AGBL4: variants seen among roughly 807,000 people sequenced by gnomAD.
AGBL4 encodes AGBL carboxypeptidase 4, also known as cytosolic carboxypeptidase 6.
AGBL4 carries 58 observed loss-of-function variants against 66.4 expected under a neutral mutation model. That is an observed-to-expected ratio of 0.87 (90% CI 0.71 to 1.09). The LOEUF is 1.09. Among genes scored for constraint, AGBL4 ranks in the 50% least tolerant of loss-of-function variants. The pLI, the probability that AGBL4 is intolerant of heterozygous loss-of-function variation, is 0.00. For missense variants in AGBL4, 579 were observed against 631.0 expected (o/e 0.92, Z 0.88); for synonymous variants, 234 against 222.9 (o/e 1.05, Z -0.44).
intron 5 of AGBL4, among the ~76,000 whole-genome samples, chr1:49,021,064 G>A (rs988081221): frequency 9.2e-5 from 14 of 152,202 alleles, no homozygotes; most frequent in Admixed American, 8.5e-4. Flanking sequence ...CTCCCTACCA[G>A]TGAATATTTC....
chr1:49,471,509 A>C (rs1210412658), intron 3 of AGBL4, among the ~76,000 whole-genome samples: 1 of 151,884 alleles, frequency 6.6e-6, no homozygotes, highest in African/African-American at 2.4e-5. Context: ...AGACTCCTAA[A>C]GGTGGAGGGA....
rs1423179870 is a variant in AGBL4, at chr1:49,849,392, A to ATTT, written c.157+2001_157+2003dup. ...TTTCTAAGATGTCCTCATTCATCTA[A>ATTT]TTTATTATTATTATTATTATTATTA... On this transcript the variant is annotated intron_variant, in intron 2 of 13. Transcript: ENST00000371839. 7.7e-3 allele frequency among the ~76,000 whole-genome samples: 788 copies of ATTT among 102,308 alleles called. 7 individuals are homozygous for ATTT. Among genetic ancestry groups the ATTT allele is most frequent in the African/African-American group, 0.023 (606 of 26,628 alleles). 67.1% of individuals were successfully genotyped at this position (102,308 alleles called of 152,430 possible).
intron 9 of AGBL4, among the ~76,000 whole-genome samples, chr1:48,594,297 C>T (rs1644963268): frequency 6.6e-6 from 1 of 152,068 alleles, no homozygotes; most frequent in African/African-American, 2.4e-5. Context: ...GCACTCTGGC[C>T]TGGGCAACAA....
intron 4 of AGBL4, among the ~76,000 whole-genome samples, chr1:49,102,511 T>C (rs998549607): frequency 3.3e-5 from 5 of 152,180 alleles, no homozygotes; most frequent in Non-Finnish European, 5.9e-5. Context: ...CTGTGTCCTA[T>C]GAGTAAAATT....
chr1:49,375,380 G>A (rs768378744), intron 3 of AGBL4, among the ~76,000 whole-genome samples: 1 of 152,040 alleles, frequency 6.6e-6, no homozygotes, highest in Non-Finnish European at 1.5e-5. Context: ...ACTGCTCATG[G>A]GATGTGATTT....
chr1:48,629,986 C>G (rs1234360455), intron 9 of AGBL4, among the ~76,000 whole-genome samples: 3 of 152,184 alleles, frequency 2.0e-5, no homozygotes, highest in African/African-American at 7.2e-5. Context: ...TCCTGAGCAC[C>G]TGCTTACAGC....
At chr1:49,784,764 T>C (rs964333955) in intron 2 of AGBL4, among the ~76,000 whole-genome samples, 1 of 151,778 alleles carries the variant, frequency 6.6e-6, no homozygotes, top group South Asian at 2.1e-4. Flanking sequence ...AAAGAACTCT[T>C]ACAGTTAATA....
intron 3 of AGBL4, among the ~76,000 whole-genome samples, chr1:49,311,982 C>T (rs1287025886): frequency 6.6e-6 from 1 of 151,902 alleles, no homozygotes; most frequent in African/African-American, 2.4e-5. Flanking sequence ...AAATAAGTCC[C>T]ATATACAAGA....
chr1:49,512,293 T>G (rs1933270), intron 3 of AGBL4, among the ~76,000 whole-genome samples: 80,175 of 151,812 alleles, frequency 0.53, 22,643 homozygotes, highest in Non-Finnish European at 0.63. Flanking sequence ...ATTTATTAGC[T>G]ATGAAATATT....
intron 3 of AGBL4, among the ~76,000 whole-genome samples, chr1:49,631,412 T>A (rs571204428): frequency 6.6e-6 from 1 of 152,262 alleles, no homozygotes; most frequent in South Asian, 2.1e-4. Flanking sequence ...CTGAAGGGCA[T>A]CAACAGAATT....
chr1:48,958,985 T>C (rs140209124), intron 5 of AGBL4, among the ~76,000 whole-genome samples: 1 of 152,342 alleles, frequency 6.6e-6, no homozygotes, highest in East Asian at 1.9e-4. Context: ...ATAGACTCCT[T>C]AAGGGCAGGG....
chr1:48,613,483 C>A (rs1167954721), intron 9 of AGBL4, among the ~76,000 whole-genome samples: 2 of 152,164 alleles, frequency 1.3e-5, no homozygotes, highest in African/African-American at 4.8e-5. Flanking sequence ...AATAAGAAAT[C>A]TCCTATTGTC....
chr1:48,802,124 C>T (rs1645824049), intron 6 of AGBL4, among the ~76,000 whole-genome samples: 1 of 152,178 alleles, frequency 6.6e-6, no homozygotes, highest in South Asian at 2.1e-4. Flanking sequence ...CTCCAGATCT[C>T]GTCTCCCTGC....
chr1:48,740,595 G>C (rs1649764957), intron 6 of AGBL4, among the ~76,000 whole-genome samples: 2 of 152,166 alleles, frequency 1.3e-5, no homozygotes, highest in Non-Finnish European at 2.9e-5. Flanking sequence ...ATGTGTCAAA[G>C]GAGGTTATTA....
chr1:48,761,049 G>C, intron 6 of AGBL4: 1 of 299,180 alleles, frequency 3.3e-6, no homozygotes, highest in South Asian at 5.7e-5. Context: ...CAGAGCTGTG[G>C]GCCAAGGAGA....
chr1:49,377,081 A>C (rs1481173142), intron 3 of AGBL4, among the ~76,000 whole-genome samples: 1 of 152,100 alleles, frequency 6.6e-6, no homozygotes, highest in Non-Finnish European at 1.5e-5. Context: ...AAATTTCCGG[A>C]GTAGGTATGA....
chr1:49,266,757 G>C (rs535594899), intron 3 of AGBL4, among the ~76,000 whole-genome samples: 3 of 152,232 alleles, frequency 2.0e-5, no homozygotes, highest in South Asian at 2.1e-4. Flanking sequence ...AAGAACAAAG[G>C]CTAAGTGGTA....
intron 3 of AGBL4, among the ~76,000 whole-genome samples, chr1:49,250,923 G>C (rs1033506018): frequency 2.0e-5 from 3 of 152,190 alleles, no homozygotes; most frequent in African/African-American, 7.2e-5. Context: ...CACAGGGTTT[G>C]GTGCAGGGGC....
intron 6 of AGBL4, among the ~76,000 whole-genome samples, chr1:48,834,208 G>T (rs1646624764): frequency 6.6e-6 from 1 of 152,140 alleles, no homozygotes; most frequent in Non-Finnish European, 1.5e-5. Flanking sequence ...AGATGGAGAT[G>T]AATTTTGCCT....
Sources: allele counts gnomAD v4.1 joint callset (sites outside exome capture counted in the v4.1 genomes callset), GRCh38; gene constraint gnomAD v4.1.1; transcripts MANE v1.5; gene names NCBI Gene and HGNC (gene_info 2026-07-23, HGNC 2026-07-21).